Variants in FNIP2 observed in about 807,000 individuals in gnomAD.
The protein encoded by FNIP2 is folliculin interacting protein 2, also known as folliculin-interacting protein 2.
A neutral mutation model predicts 108.7 loss-of-function variants in FNIP2; 32 were observed. The ratio of observed to expected loss-of-function variants is 0.29; its 90% CI spans 0.22 to 0.40. The LOEUF (loss-of-function observed/expected upper bound fraction) is 0.40. FNIP2 is among the 10% of genes least tolerant of loss of function. The pLI is 1.00. For synonymous variants in FNIP2, 480 were observed against 496.7 expected (o/e 0.97, Z 0.45); for missense variants, 1,202 against 1,381.6 (o/e 0.87, Z 2.06).
chr4:158,836,703 C>A (rs1334623969), intron 7 of FNIP2: 1 of 148,840 alleles, frequency 6.7e-6, no homozygotes. Flanking sequence ...ATAGTCCTAG[C>A]TACTCAGGAG....
At chr4:158,770,111 G>T (rs1326156965) in intron 1 of FNIP2, among the ~76,000 whole-genome samples, 2 of 152,206 alleles carry the variant, frequency 1.3e-5, no homozygotes, top group Non-Finnish European at 2.9e-5. Flanking sequence ...TAAAGTCACA[G>T]ATAACTTAGG....
intron 14 of FNIP2, among the ~76,000 whole-genome samples, chr4:158,889,447 AC>A: frequency 6.6e-6 from 1 of 152,244 alleles, no homozygotes; most frequent in Non-Finnish European, 1.5e-5. Flanking sequence ...TGGTAGTGGT[AC>A]TATATAACTT....
chr4:158,868,725 C>T lies in FNIP2; in HGVS notation c.2089C>T (p.Arg697Trp), dbSNP rs375103955. 147 of 1,613,894 alleles carry T rather than the reference C, an allele frequency of 9.1e-5. 1 individual carries two copies. The Middle Eastern group carries it at 2.6e-3, about 29-fold the overall frequency. ...GGAGATGCCTACAAGACTGCCAGAC[C>T]GGTCAGTGGCCTGGCCTTGCCCTGA... ...KVEMPTRLPD[R>W]SVAWPCPDRH... is the part of the protein sequence containing the mutation. Residue 697 changes from arginine to tryptophan, a missense_variant, in exon 13 of 17, where the codon CGG (arginine) becomes TGG (tryptophan). Around this residue, in one of 5 missense-constraint regions of FNIP2, gnomAD observed 878 missense variants for 990.3 expected, o/e 0.89. Transcript: ENST00000264433. This position sits in a 1 kb window ranked among gnomAD's most constrained non-coding sequence, Gnocchi z 4.6.
At chr4:158,811,911 T>C (rs749790982) in intron 1 of FNIP2, among the ~76,000 whole-genome samples, 100 of 152,200 alleles carry the variant, frequency 6.6e-4, no homozygotes, top group Non-Finnish European at 1.1e-3. Context: ...TTTGAGGAAG[T>C]ACATTTTCAA....
chr4:158,887,439 A>G (rs1310718413), intron 14 of FNIP2, among the ~76,000 whole-genome samples: 1 of 152,156 alleles, frequency 6.6e-6, no homozygotes, highest in Non-Finnish European at 1.5e-5. Context: ...ATAGATGCCT[A>G]AAAAATAGTC....
chr4:158,858,919 A>T (rs1457044985), intron 8 of FNIP2, 138 bp from the exon 9 acceptor site: 9 of 680,564 alleles, frequency 1.3e-5, no homozygotes, highest in Non-Finnish European at 2.0e-5. Flanking sequence ...CCAGGGAATT[A>T]TAGAAAAGAA....
At chr4:158,849,098 G>A (rs1359834877) in intron 7 of FNIP2, among the ~76,000 whole-genome samples, 2 of 152,090 alleles carry the variant, frequency 1.3e-5, no homozygotes, top group Admixed American at 6.5e-5. Context: ...TGGAATTAAG[G>A]GTCTTACGAT....
chr4:158,869,379 G>T lies in FNIP2; in HGVS notation c.2743G>T (p.Gly915Cys). The change falls in exon 13 of 17, where the codon GGT becomes TGT. Residue 915 changes from glycine to cysteine, a missense_variant. Physicochemically the swap from Gly to Cys is radical, Grantham distance 159 (BLOSUM62 -3). This residue lies in a region of FNIP2 where 878 missense variants were observed against 990.3 expected (regional missense o/e 0.89). Transcript: ENST00000264433. ...TTCAGCCATGCTAGATCTGGGTCAC[G>T]GTGGTGACAGGACTGGAGGGTCCTT... ...CASAMLDLGH[G>C]GDRTGGSLEV... is the part of the protein sequence containing the mutation. The T allele has an allele frequency of 1.2e-6, 2 of 1,610,500 alleles. No individual in the cohort carries two copies. Among genetic ancestry groups the T allele is most frequent in the East Asian group, 2.2e-5 (1 of 44,750 alleles).
intron 12 of FNIP2, among the ~76,000 whole-genome samples, chr4:158,867,877 A>G (rs1578942411): frequency 6.6e-6 from 1 of 152,050 alleles, no homozygotes; most frequent in Non-Finnish European, 1.5e-5. Flanking sequence ...CAGCAGCACG[A>G]CTCCCACACA....
At chr4:158,845,007 G>C (rs1779322313) in intron 7 of FNIP2, among the ~76,000 whole-genome samples, 1 of 152,176 alleles carries the variant, frequency 6.6e-6, no homozygotes, top group Non-Finnish European at 1.5e-5. Context: ...TGTTTAAGCT[G>C]GGCGTTAACC....
chr4:158,852,973 C>T (rs902527381), intron 8 of FNIP2, among the ~76,000 whole-genome samples: 7 of 151,862 alleles, frequency 4.6e-5, no homozygotes, highest in African/African-American at 1.7e-4. Context: ...ATGTGGTCCT[C>T]TTACCCAAAA....
chr4:158,783,168 A>G (rs1776109260), intron 1 of FNIP2, among the ~76,000 whole-genome samples: 2 of 152,248 alleles, frequency 1.3e-5, no homozygotes, highest in Non-Finnish European at 2.9e-5. Context: ...CTAAGCTAGC[A>G]TGCTTAATGC....
At chr4:158,901,260 G>GT (rs1293566929) in intron 16 of FNIP2, among the ~76,000 whole-genome samples, 1 of 151,530 alleles carries the variant, frequency 6.6e-6, no homozygotes, top group East Asian at 1.9e-4. Flanking sequence ...AGCGTCCAGA[G>GT]TAGCTGGGAT....
In FNIP2 at chr4:158,845,791, A is replaced by G. The variant is rs188620899; in HGVS notation, c.728-5530A>G. Among the ~76,000 whole-genome samples, 77 of 152,372 alleles carry G rather than the reference A, an allele frequency of 5.1e-4. No individual in the cohort carries two copies. The Middle Eastern group carries it at 0.014, about 27-fold the overall frequency. On this transcript the variant is annotated intron_variant, in intron 7 of 16. Coordinates refer to ENST00000264433, the MANE Select transcript of FNIP2 (RefSeq NM_020840.3). ...TGTACTGAATTGTTATCTAGAGTATATGATTAACAATGATGTGCCACAGCA... is the reference window on the plus strand; with the variant it reads ...TGTACTGAATTGTTATCTAGAGTATGTGATTAACAATGATGTGCCACAGCA...
rs151142000 is a variant in FNIP2 at position 158,892,626 on chromosome 4, TAAAAAG to T, written c.3150+982_3150+987del. ...AGCTTTTCCAGTGGTGATGAACACT[TAAAAAG>T]AGAGAGAGAAGCTTAAGGGCATATG... On this transcript the variant is annotated intron_variant, in intron 15 of 16. Coordinates refer to ENST00000264433, the MANE Select transcript of FNIP2 (RefSeq NM_020840.3). Among the ~76,000 whole-genome samples, 18 of 151,958 alleles carry T rather than the reference TAAAAAG, an allele frequency of 1.2e-4. No homozygotes were observed. In the East Asian group the frequency reaches 1.4e-3, roughly 11 times the overall value.
At chr4:158,853,402 G>A (rs1779807366) in intron 8 of FNIP2, among the ~76,000 whole-genome samples, 1 of 152,152 alleles carries the variant, frequency 6.6e-6, no homozygotes, top group African/African-American at 2.4e-5. Flanking sequence ...TATACTTTAA[G>A]TTCTAAGGTA....
chr4:158,829,754 A>T (rs1778364288), intron 3 of FNIP2, among the ~76,000 whole-genome samples: 1 of 151,734 alleles, frequency 6.6e-6, no homozygotes, highest in Admixed American at 6.6e-5. Flanking sequence ...ATAGGGGTTA[A>T]GGTTATTGAG....
At chr4:158,849,585 C>G (rs1000721635) in intron 7 of FNIP2, among the ~76,000 whole-genome samples, 15 of 152,066 alleles carry the variant, frequency 9.9e-5, no homozygotes, top group African/African-American at 3.4e-4. Context: ...ACTTTAGGAA[C>G]TAGGGGGCAG....
chr4:158,898,336 C>T (rs958880762), intron 16 of FNIP2, among the ~76,000 whole-genome samples: 2 of 152,088 alleles, frequency 1.3e-5, no homozygotes, highest in African/African-American at 2.4e-5. Flanking sequence ...TTTTTGGTTC[C>T]ATATGAAATT....
Sources: allele counts gnomAD v4.1 joint callset (sites outside exome capture counted in the v4.1 genomes callset), GRCh38; gene constraint gnomAD v4.1.1; regional missense constraint gnomAD v4.1.1; non-coding constraint Gnocchi (gnomAD v3.1); transcripts MANE v1.5; gene names NCBI Gene and HGNC (gene_info 2026-07-23, HGNC 2026-07-21).